Variants in MSTO1 observed in about 807,000 individuals in gnomAD.
The protein encoded by MSTO1 is misato mitochondrial distribution and morphology regulator 1, also known as protein misato homolog 1.
In MSTO1, 24 loss-of-function variants were observed where a neutral mutation model predicts 55.7. The observed-to-expected ratio is 0.43, with a 90% confidence interval of 0.31 to 0.61. MSTO1 has a LOEUF of 0.61. Among genes scored for constraint, MSTO1 ranks in the 20% least tolerant of loss-of-function variants. MSTO1 has a pLI of 0.09. For missense variants in MSTO1, 363 were observed against 625.7 expected (o/e 0.58, Z 4.48); for synonymous variants, 162 against 252.8 (o/e 0.64, Z 3.41).
chr1:155,606,197 CCTTTTTTTTTTTTTTTTTTTTTTTTTT>C (rs1672931633), upstream of MSTO1, among the ~76,000 whole-genome samples: 1 of 53,270 alleles, frequency 1.9e-5, no homozygotes, highest in African/African-American at 7.0e-5. Context: ...CCATGCCCAG[CCTTTTTTTTTTTTTTTTTTTTTTTTTT>C]TTTTTTGTAT....
the MSTO1 span, chr1:155,602,191 C>T: frequency 2.3e-5 from 16 of 686,764 alleles, no homozygotes; most frequent in Non-Finnish European, 4.2e-5. Context: ...CAAATGAGCA[C>T]TTCCTGGCCG....
chr1:155,592,632 C>A, the MSTO1 span, among the ~76,000 whole-genome samples: 1 of 152,004 alleles, frequency 6.6e-6, no homozygotes, highest in African/African-American at 2.4e-5. Context: ...CGGCTCACTC[C>A]AACCTGTGGC....
chr1:155,568,387 TTTTA>T, the MSTO1 span, among the ~76,000 whole-genome samples: 2 of 149,840 alleles, frequency 1.3e-5, no homozygotes, highest in Non-Finnish European at 3.0e-5. Flanking sequence ...CAAAAAAAAT[TTTTA>T]TTTAAGACGG....
At chr1:155,598,308 T>G in the MSTO1 span, among the ~76,000 whole-genome samples, 1 of 151,824 alleles carries the variant, frequency 6.6e-6, no homozygotes, top group Non-Finnish European at 1.5e-5. Context: ...AGAGACAGGG[T>G]TTCTCCATGT....
At chr1:155,602,900 C>G in the MSTO1 span, among the ~76,000 whole-genome samples, 1 of 151,972 alleles carries the variant, frequency 6.6e-6, no homozygotes, top group South Asian at 2.1e-4. Context: ...TCTTCTTTAC[C>G]CTGGTGATTC....
At chr1:155,565,254 C>G in the MSTO1 span, among the ~76,000 whole-genome samples, 1 of 148,724 alleles carries the variant, frequency 6.7e-6, no homozygotes, top group East Asian at 2.0e-4. Flanking sequence ...GAGATCACGC[C>G]TTTGCATTCC....
At chr1:155,583,222 C>CTTT in the MSTO1 span, among the ~76,000 whole-genome samples, 42 of 133,910 alleles carry the variant, frequency 3.1e-4, no homozygotes, top group South Asian at 5.1e-3. Context: ...GAAGGTATAT[C>CTTT]TTTTTTTTTT....
chr1:155,563,456 G>A, the MSTO1 span: 5 of 456,730 alleles, frequency 1.1e-5, no homozygotes, highest in Admixed American at 1.2e-4. Context: ...CCCGGGCGTT[G>A]AGTTGCCAAC....
At position 155,612,275 on chromosome 1, in the gene MSTO1, A is replaced by G. The variant is rs1674307094; in HGVS notation, c.772A>G (p.Ile258Val). The G allele has an allele frequency of 1.9e-6, 3 of 1,592,288 alleles. No homozygotes were observed. Among genetic ancestry groups the G allele is most frequent in the African/African-American group, 1.3e-5 (1 of 74,420 alleles). Reference protein sequence around the residue: ...LLQDEYSGRGIITWGLLPGPY... With the variant: ...LLQDEYSGRGVITWGLLPGPY... ...ACAAGATGAATATTCAGGGCGGGGAATAATAACCTGGGGCCTGCTACCTGG... is the reference window on the plus strand; with the variant it reads ...ACAAGATGAATATTCAGGGCGGGGAGTAATAACCTGGGGCCTGCTACCTGG... The change falls in exon 8 of 14, where the codon ATA (isoleucine) becomes GTA (valine). Residue 258 changes from isoleucine (I) to valine (V), a missense_variant. Physicochemically the swap from Ile to Val is conservative, Grantham distance 29 (BLOSUM62 3). This residue lies in a region of MSTO1 where 231 missense variants were observed against 286.9 expected (regional missense o/e 0.81). Transcript: ENST00000245564.
At chr1:155,591,100 A>G in the MSTO1 span, 211 of 1,613,466 alleles carry the variant, frequency 1.3e-4, 1 homozygote, top group Non-Finnish European at 1.6e-4. Context: ...GCTCTGCACC[A>G]CTCAGGACAT....
the MSTO1 span, chr1:155,566,271 G>T: frequency 1.3e-5 from 2 of 152,194 alleles, no homozygotes. Context: ...TGACATCCAG[G>T]AGTTTCTTCT....
chr1:155,589,217 G>C, the MSTO1 span, among the ~76,000 whole-genome samples: 1 of 151,772 alleles, frequency 6.6e-6, no homozygotes, highest in Non-Finnish European at 1.5e-5. Flanking sequence ...AGAATCGCTT[G>C]AACCCAAGAG....
the MSTO1 span, among the ~76,000 whole-genome samples, chr1:155,569,092 G>A: frequency 6.6e-6 from 1 of 151,812 alleles, no homozygotes; most frequent in African/African-American, 2.4e-5. Context: ...GACCTCAAAT[G>A]TTCCACCTGC....
the MSTO1 span, among the ~76,000 whole-genome samples, chr1:155,567,315 T>C: frequency 6.7e-6 from 1 of 149,572 alleles, no homozygotes; most frequent in South Asian, 2.1e-4. Context: ...GTAATTTTTT[T>C]TTTTTTTTTT....
the MSTO1 span, among the ~76,000 whole-genome samples, chr1:155,581,382 G>A: frequency 1.4e-3 from 212 of 152,122 alleles, no homozygotes; most frequent in Non-Finnish European, 2.3e-3. Flanking sequence ...TATTGGAGAA[G>A]TATTTTATTT....
At chr1:155,567,286 T>C in the MSTO1 span, among the ~76,000 whole-genome samples, 1 of 151,458 alleles carries the variant, frequency 6.6e-6, no homozygotes, top group African/African-American at 2.4e-5. Flanking sequence ...ACCACGCCTG[T>C]CTAATTTGGC....
upstream of MSTO1, chr1:155,609,631 G>T (rs1452940429): frequency 6.6e-6 from 1 of 152,334 alleles, no homozygotes; most frequent in Non-Finnish European, 1.5e-5. Context: ...ATAGATATTT[G>T]CAAAAATATG....
chr1:155,577,872 A>T, the MSTO1 span, among the ~76,000 whole-genome samples: 1 of 152,100 alleles, frequency 6.6e-6, no homozygotes, highest in Non-Finnish European at 1.5e-5. Flanking sequence ...CAGCTCCCCA[A>T]CTAGCTGGGG....
the MSTO1 span, among the ~76,000 whole-genome samples, chr1:155,579,479 A>G: frequency 6.6e-6 from 1 of 152,168 alleles, no homozygotes; most frequent in Non-Finnish European, 1.5e-5. Context: ...GTTCCCCATC[A>G]CTGGAAATCA....
Sources: allele counts gnomAD v4.1 joint callset (sites outside exome capture counted in the v4.1 genomes callset), GRCh38; gene constraint gnomAD v4.1.1; regional missense constraint gnomAD v4.1.1; transcripts MANE v1.5; gene names NCBI Gene and HGNC (gene_info 2026-07-23, HGNC 2026-07-21).